Variants in GRM8 observed in about 807,000 individuals in gnomAD.
The protein encoded by GRM8 is metabotropic glutamate receptor 8.
A neutral mutation model predicts 87.2 loss-of-function variants in GRM8; 47 were observed. That is an observed-to-expected ratio of 0.54 (90% CI 0.43 to 0.69). The LOEUF is 0.69. GRM8 is among the 30% of genes least tolerant of loss of function. The probability of loss-of-function intolerance (pLI) is 0.00; values close to 1 mark genes in which losing one functional copy is unlikely to be tolerated. For synonymous variants in GRM8, 396 were observed against 404.5 expected (o/e 0.98, Z 0.25); for missense variants, 1,019 against 1,139.2 (o/e 0.89, Z 1.52).
intron 9 of GRM8, among the ~76,000 whole-genome samples, chr7:126,462,764 T>C (rs925455357): frequency 6.6e-6 from 1 of 151,674 alleles, no homozygotes; most frequent in African/African-American, 2.4e-5. Context: ...GGAGGAAATA[T>C]TGAGTATTCT....
chr7:126,973,340 G>T (rs904629026), intron 3 of GRM8, among the ~76,000 whole-genome samples: 3 of 152,140 alleles, frequency 2.0e-5, no homozygotes, highest in Non-Finnish European at 4.4e-5. Context: ...ACCCACCTGG[G>T]CTCATGTACT....
intron 2 of GRM8, among the ~76,000 whole-genome samples, chr7:127,230,368 C>T (rs954345445): frequency 4.0e-5 from 6 of 151,750 alleles, no homozygotes; most frequent in African/African-American, 1.4e-4. Context: ...TTTCCACATA[C>T]TTCCACCCCC....
At chr7:126,905,682 G>A (rs539421103) in intron 3 of GRM8, among the ~76,000 whole-genome samples, 1 of 152,240 alleles carries the variant, frequency 6.6e-6, no homozygotes, top group African/African-American at 2.4e-5. Context: ...CATTGGAAAT[G>A]CACAGTCTAA....
chr7:126,792,162 C>A (rs1002830296), intron 6 of GRM8, among the ~76,000 whole-genome samples: 1 of 152,218 alleles, frequency 6.6e-6, no homozygotes, highest in Non-Finnish European at 1.5e-5. Flanking sequence ...GCAAGAGGAT[C>A]TGAGCTTGCT....
At chr7:126,676,844 C>T (rs1051694216) in intron 7 of GRM8, among the ~76,000 whole-genome samples, 1 of 152,014 alleles carries the variant, frequency 6.6e-6, no homozygotes, top group Non-Finnish European at 1.5e-5. Context: ...ACCCCAAAAG[C>T]GAATGCAATA....
chr7:126,628,628 T>A (rs146232993), intron 7 of GRM8, among the ~76,000 whole-genome samples: 46 of 152,330 alleles, frequency 3.0e-4, no homozygotes, highest in African/African-American at 8.9e-4. Flanking sequence ...TACTTAAAAT[T>A]TTTTCATTCA....
chr7:127,174,217 G>T (rs567747743), intron 2 of GRM8, among the ~76,000 whole-genome samples: 1 of 152,154 alleles, frequency 6.6e-6, no homozygotes, highest in Non-Finnish European at 1.5e-5. Flanking sequence ...TGTCATAACT[G>T]AACAGGGATT....
chr7:126,510,174 T>C (rs1811119935), intron 9 of GRM8, among the ~76,000 whole-genome samples: 1 of 151,956 alleles, frequency 6.6e-6, no homozygotes, highest in African/African-American at 2.4e-5. Flanking sequence ...AGAAGACTCT[T>C]CTAAGTTCTT....
intron 3 of GRM8, among the ~76,000 whole-genome samples, chr7:126,974,324 T>G (rs1810730247): frequency 1.3e-5 from 2 of 152,162 alleles, no homozygotes; most frequent in Non-Finnish European, 2.9e-5. Context: ...TTGCGTTAAA[T>G]AAGTAGATTT....
intron 6 of GRM8, among the ~76,000 whole-genome samples, chr7:126,835,103 G>T (rs1435793245): frequency 6.7e-6 from 1 of 149,086 alleles, no homozygotes; most frequent in South Asian, 2.1e-4. Context: ...AAAAAGAAAA[G>T]AAAAGAAAAA....
chr7:126,732,409 T>C (rs1256762792), intron 7 of GRM8, among the ~76,000 whole-genome samples: 1 of 152,142 alleles, frequency 6.6e-6, no homozygotes, highest in Non-Finnish European at 1.5e-5. Flanking sequence ...TTTTATTCTT[T>C]TGAATTTTGC....
chr7:126,702,971 G>C (rs570065383), intron 7 of GRM8, among the ~76,000 whole-genome samples: 1 of 151,984 alleles, frequency 6.6e-6, no homozygotes. Flanking sequence ...GACTTGGCAC[G>C]TTCAAGCCAC....
At chr7:126,566,512 CTA>C (rs1485873464) in intron 8 of GRM8, among the ~76,000 whole-genome samples, 1 of 152,028 alleles carries the variant, frequency 6.6e-6, no homozygotes, top group Non-Finnish European at 1.5e-5. Context: ...GTCAGAATGA[CTA>C]TTATCAAAAA....
chr7:127,030,312 A>T (rs1257228337), intron 3 of GRM8, among the ~76,000 whole-genome samples: 2 of 105,236 alleles, frequency 1.9e-5, no homozygotes, highest in Non-Finnish European at 4.0e-5. Context: ...CACCCCTCCC[A>T]GTCTTCTTAT....
intron 9 of GRM8, among the ~76,000 whole-genome samples, chr7:126,516,903 A>G (rs1382430584): frequency 6.6e-6 from 1 of 152,138 alleles, no homozygotes; most frequent in Non-Finnish European, 1.5e-5. Context: ...TCTTTTAAAA[A>G]AACACATATT....
intron 2 of GRM8, among the ~76,000 whole-genome samples, chr7:127,203,771 A>T (rs1295552490): frequency 6.6e-6 from 1 of 151,750 alleles, no homozygotes; most frequent in African/African-American, 2.4e-5. Context: ...GAAACCTCAA[A>T]AAAAAGGGGG....
intron 5 of GRM8, among the ~76,000 whole-genome samples, chr7:126,903,507 A>T (rs924895141): frequency 1.3e-5 from 2 of 151,244 alleles, no homozygotes; most frequent in Admixed American, 1.3e-4. Flanking sequence ...CATAATGGAA[A>T]TAACTGACTA....
intron 7 of GRM8, among the ~76,000 whole-genome samples, chr7:126,690,174 C>A (rs1808647177): frequency 6.6e-6 from 1 of 152,200 alleles, no homozygotes; most frequent in South Asian, 2.1e-4. Context: ...GGCGCCTTTG[C>A]CTGAGTTTTG....
At chr7:126,886,357 G>T (rs2131039077) in intron 6 of GRM8, among the ~76,000 whole-genome samples, 1 of 152,112 alleles carries the variant, frequency 6.6e-6, no homozygotes, top group African/African-American at 2.4e-5. Context: ...CTTTCCTACT[G>T]CTACACATTT....
Sources: allele counts gnomAD v4.1 joint callset (sites outside exome capture counted in the v4.1 genomes callset), GRCh38; gene constraint gnomAD v4.1.1; transcripts MANE v1.5; gene names NCBI Gene and HGNC (gene_info 2026-07-23, HGNC 2026-07-21).